RAD54L: variants seen among roughly 807,000 people sequenced by gnomAD.
RAD54L encodes the protein DNA repair and recombination protein RAD54-like.
RAD54L carries 74 observed loss-of-function variants against 91.6 expected under a neutral mutation model. That is an observed-to-expected ratio of 0.81 (90% CI 0.67 to 0.98). RAD54L has a LOEUF of 0.98. Ranked by LOEUF, RAD54L falls within the 50% of genes least tolerant of loss-of-function variation. RAD54L has a pLI of 0.00. For missense variants in RAD54L, 887 were observed against 945.7 expected (o/e 0.94, Z 0.81); for synonymous variants, 304 against 349.7 (o/e 0.87, Z 1.46).
chr1:46,260,833 C>T lies in RAD54L; in HGVS notation c.584C>T (p.Thr195Ile), dbSNP rs747443518. 4 of 1,614,254 alleles carry T rather than the reference C, an allele frequency of 2.5e-6. No individual in the cohort carries two copies. The highest frequency in any genetic ancestry group is 3.3e-5 in the Admixed American group (2 of 60,032). ...CTAGGAAAGACGCTGCAGTGCATCA[C>T]ATTGATGTGGACACTTTTACGCCAG... ...MGLGKTLQCI[T>I]LMWTLLRQSP... The change falls in exon 7 of 18, where the codon ACA becomes ATA. Residue 195 changes from threonine (T) to isoleucine (I), a missense_variant. Physicochemically the swap from Thr to Ile is moderately conservative, Grantham distance 89. Coordinates refer to ENST00000371975, the MANE Select transcript of RAD54L (RefSeq NM_003579.4).
chr1:46,249,734 C>T (rs1659746343), intron 2 of RAD54L, among the ~76,000 whole-genome samples: 1 of 152,150 alleles, frequency 6.6e-6, no homozygotes, highest in Non-Finnish European at 1.5e-5. Flanking sequence ...GGTAGACTTG[C>T]TCTTCAGAGG....
In RAD54L at chr1:46,270,669, T is replaced by C; in HGVS notation, c.1053T>C (p.His351=). Residue 351 remains histidine (H), a synonymous_variant, in exon 10 of 18, where the codon CAT becomes CAC. Transcript: ENST00000371975. ...CTCTCCTGTGTTTAGGGACTGCCCA[T>C]GAATTCAAGAAGCATTTTGAATTGC... ...FVNSGILGTA[H]EFKKHFELPI... is the part of the protein sequence containing the mutation. 1 of 1,612,362 alleles carries C rather than the reference T, an allele frequency of 6.2e-7. No individual in the cohort carries two copies. Among genetic ancestry groups the C allele is most frequent in the Non-Finnish European group, 8.5e-7 (1 of 1,179,990 alleles).
rs1294082782 is a variant in RAD54L at position 46,278,094 on chromosome 1, A to T, written c.2056A>T (p.Asn686Tyr). The T allele has an allele frequency of 6.2e-7, 1 of 1,614,070 alleles. No individual in the cohort carries two copies. Among genetic ancestry groups the T allele is most frequent in the East Asian group, 2.2e-5 (1 of 44,888 alleles). ...HDRLHCRRCV[N>Y]SRQIRPPPDG... ...TAGGTTGCACTGCCGACGTTGTGTC[A>T]ACAGCCGTCAGATCCGGCCACCCCC... The change falls in exon 18 of 18, where the codon AAC becomes TAC. Residue 686 changes from asparagine (N) to tyrosine (Y), a missense_variant. By Grantham distance (143) the Asn-to-Tyr change is moderately radical. Coordinates refer to ENST00000371975, the MANE Select transcript of RAD54L (RefSeq NM_003579.4).
In RAD54L at chr1:46,277,865, G is replaced by A. The variant is rs747838732; in HGVS notation, c.1918G>A (p.Ala640Thr). 6.2e-7 allele frequency: 1 copy of A among 1,613,534 alleles called. No individual in the cohort carries two copies. Among genetic ancestry groups the A allele is most frequent in the Admixed American group, 1.7e-5 (1 of 60,014 alleles). ...KIFQRQSHKK[A>T]LSSCVVDEEQ... ...CTTCCAGCGTCAGAGCCACAAGAAG[G>A]CACTGAGCAGCTGTGTGGTGGATGA... Residue 640 changes from alanine (A) to threonine (T), a missense_variant, in exon 17 of 18, where the codon GCA becomes ACA. By Grantham distance (58) the Ala-to-Thr change is moderately conservative. Transcript: ENST00000371975.
chr1:46,248,447 G>C (rs369330617), intron 1 of RAD54L, 39 bp downstream of exon 1: 39 of 1,613,992 alleles, frequency 2.4e-5, no homozygotes, highest in Non-Finnish European at 2.3e-5. Context: ...ATAGCCCTGG[G>C]TCAGGGTCTA....
At position 46,250,131 on chromosome 1, in the gene RAD54L, C is replaced by T. The variant is rs757370028; in HGVS notation, c.210+12C>T. 82 of 1,613,976 alleles carry T rather than the reference C, an allele frequency of 5.1e-5. No homozygotes were observed. The highest frequency in any genetic ancestry group is 6.7e-5 in the Non-Finnish European group (79 of 1,180,034). ...ACAGCAGTCAGCATGTAAGCCAGAA[C>T]TGCAACCTGCATGTGTATGTCTGTG... On this transcript the variant is annotated intron_variant, in intron 3 of 17. Coordinates refer to ENST00000371975, the MANE Select transcript of RAD54L (RefSeq NM_003579.4).
chr1:46,274,195 A>T lies in RAD54L; in HGVS notation c.1668A>T (p.Val556=). ...CCATTAAGAAGCGAGCCAAGGTTGTAGAACGCTTCAATAGTCCATCGGTAA... is the reference window on the plus strand; with the variant it reads ...CCATTAAGAAGCGAGCCAAGGTTGTTGAACGCTTCAATAGTCCATCGGTAA... The part of the protein sequence containing the change: ...TMSIKKRAKV[V]ERFNSPSSPD... Residue 556 remains valine (V), a synonymous_variant, in exon 15 of 18, where the codon GTA becomes GTT. Transcript: ENST00000371975. 1 of 1,613,454 alleles carries T rather than the reference A, an allele frequency of 6.2e-7. No homozygotes were observed. Among genetic ancestry groups the T allele is most frequent in the South Asian group, 1.1e-5 (1 of 91,068 alleles).
chr1:46,251,958 T>C (rs903427158), intron 3 of RAD54L, among the ~76,000 whole-genome samples: 1 of 152,148 alleles, frequency 6.6e-6, no homozygotes, highest in African/African-American at 2.4e-5. Context: ...TCTGGGACTG[T>C]TTCATTCAGG....
At chr1:46,268,375 C>G (rs1660325438) in intron 9 of RAD54L, among the ~76,000 whole-genome samples, 1 of 152,174 alleles carries the variant, frequency 6.6e-6, no homozygotes, top group African/African-American at 2.4e-5. Context: ...CCCTGGCAAC[C>G]ACACATATAT....
At chr1:46,272,884 C>T (rs1183684287) in intron 12 of RAD54L, 82 bp downstream of exon 12, 1 of 1,570,612 alleles carries the variant, frequency 6.4e-7, no homozygotes, top group Admixed American at 1.7e-5. Flanking sequence ...GCAACCCTCA[C>T]TAAAACTCGT....
intron 3 of RAD54L, among the ~76,000 whole-genome samples, chr1:46,254,583 C>CTTT (rs768862202): frequency 3.8e-5 from 5 of 130,188 alleles, no homozygotes; most frequent in African/African-American, 8.5e-5. Flanking sequence ...GGAGCACTGA[C>CTTT]TTTTTTTTTT....
Position 46,273,755 on chromosome 1 carries a change from A to G in RAD54L, c.1610+8A>G. ...GCTGTGCCGTGCCCGAAGGTAGGGA[A>G]GATCCTAACCAGGATGCCAAAGGGG... On this transcript the variant is annotated splice_region_variant and intron_variant, in intron 14 of 17. Coordinates refer to ENST00000371975, the MANE Select transcript of RAD54L (RefSeq NM_003579.4). 2 of 1,600,152 alleles carry G rather than the reference A, an allele frequency of 1.2e-6. No individual in the cohort carries two copies. Among genetic ancestry groups the G allele is most frequent in the South Asian group, 1.1e-5 (1 of 89,242 alleles).
At chr1:46,275,269 T>A (rs1450764213) in intron 16 of RAD54L, among the ~76,000 whole-genome samples, 1 of 152,192 alleles carries the variant, frequency 6.6e-6, no homozygotes, top group Non-Finnish European at 1.5e-5. Flanking sequence ...GCCTTCATGT[T>A]TCCTTGACCT....
chr1:46,276,297 C>G (rs1660599967), intron 16 of RAD54L, among the ~76,000 whole-genome samples: 2 of 152,170 alleles, frequency 1.3e-5, no homozygotes, highest in Non-Finnish European at 2.9e-5. Context: ...GTAGCTGGGG[C>G]TACAGGTGTG....
chr1:46,277,959 G>C lies in RAD54L; in HGVS notation c.2012G>C (p.Ser671Thr). 2 of 1,614,150 alleles carry C rather than the reference G, an allele frequency of 1.2e-6. No homozygotes were observed. The highest frequency in any genetic ancestry group is 1.7e-6 in the Non-Finnish European group (2 of 1,180,028). Residue 671 changes from serine (S) to threonine (T), a missense_variant, in exon 17 of 18, where the codon AGC becomes ACC. Coordinates refer to ENST00000371975, the MANE Select transcript of RAD54L (RefSeq NM_003579.4). Reference sequence around the variant, plus strand: ...GAGCTGTTTATCCTGGATGAAGCTAGCCTCAGTGACACACATGACAGGTGG... The same window carrying C: ...GAGCTGTTTATCCTGGATGAAGCTACCCTCAGTGACACACATGACAGGTGG... ...LKELFILDEA[S>T]LSDTHDRLHC...
At position 46,248,052 on chromosome 1, in the gene RAD54L, C is replaced by G. The variant is rs553799567; in HGVS notation, c.-354C>G. ...CCCCCAATCCCACCCCGCCCCGCCG[C>G]GCAACTACCTCCTCCCTTCACCCGG... On this transcript the variant is annotated 5_prime_UTR_variant, in exon 1 of 18. Coordinates refer to ENST00000371975, the MANE Select transcript of RAD54L (RefSeq NM_003579.4). The G allele has an allele frequency of 6.8e-6, 2 of 295,158 alleles. 1 individual carries two copies. The highest frequency in any genetic ancestry group is 7.9e-5 in the South Asian group (2 of 25,454). The allele number at this position is 295,158 out of a possible 1,614,324, so 18.3% of individuals were successfully genotyped here. A position where few individuals can be genotyped will look rare whatever the true frequency, so the allele number is the denominator to read the frequency against.
intron 3 of RAD54L, among the ~76,000 whole-genome samples, chr1:46,253,836 G>A (rs886798530): frequency 2.1e-5 from 3 of 146,300 alleles, no homozygotes; most frequent in African/African-American, 7.5e-5. Flanking sequence ...TTCAGCTGGA[G>A]CTTGGTGAGC....
Position 46,253,720 on chromosome 1 carries a change from C to CTTTTTTTTTT in RAD54L, c.210+3613_210+3622dup, listed in dbSNP as rs3063981. 9.5e-3 allele frequency among the ~76,000 whole-genome samples: 797 copies of CTTTTTTTTTT among 83,590 alleles called. 92 individuals carry two copies. The highest frequency in any genetic ancestry group is 0.02 in the East Asian group (47 of 2,302). The allele number at this position is 83,590 out of a possible 152,430, so 54.8% of individuals were successfully genotyped here. On this transcript the variant is annotated intron_variant, in intron 3 of 17. Coordinates refer to ENST00000371975, the MANE Select transcript of RAD54L (RefSeq NM_003579.4). ...ACTCACAGTGATATACTTAGGTACT[C>CTTTTTTTTTT]TTTTTTTTTTTTTTTTTTTTTGAGA...
chr1:46,259,467 G>A (rs1385542897), intron 4 of RAD54L, among the ~76,000 whole-genome samples: 1 of 152,094 alleles, frequency 6.6e-6, no homozygotes, highest in African/African-American at 2.4e-5. Flanking sequence ...GAAAAGCTCT[G>A]ATTCAAAGCA....
Sources: gnomAD v4.1 joint callset for allele counts (sites outside exome capture counted in the v4.1 genomes callset) on GRCh38, gnomAD v4.1.1 for gene constraint, MANE v1.5 for transcripts, NCBI Gene and HGNC (gene_info 2026-07-23, HGNC 2026-07-21) for gene names.